ACSL6: variants seen among roughly 807,000 people sequenced by gnomAD.
The protein encoded by ACSL6 is long-chain-fatty-acid--CoA ligase 6.
A neutral mutation model predicts 98.2 loss-of-function variants in ACSL6; 47 were observed. That is an observed-to-expected ratio of 0.48 (90% CI 0.38 to 0.61). The LOEUF (loss-of-function observed/expected upper bound fraction) is 0.61. Among genes scored for constraint, ACSL6 ranks in the 20% least tolerant of loss-of-function variants. The pLI is 0.00. For synonymous variants in ACSL6, 362 were observed against 336.9 expected (o/e 1.07, Z -0.82); for missense variants, 761 against 913.4 (o/e 0.83, Z 2.15).
intron 13 of ACSL6, among the ~76,000 whole-genome samples, chr5:131,972,393 A>AG (rs1245383606): frequency 1.3e-5 from 2 of 152,128 alleles, no homozygotes; most frequent in Admixed American, 1.3e-4. Context: ...GATTACAGGG[A>AG]GGGGCAAGAG....
chr5:131,988,460 T>A, intron 6 of ACSL6: 1 of 1,506,046 alleles, frequency 6.6e-7, no homozygotes, highest in Non-Finnish European at 9.1e-7. Flanking sequence ...AGCTCCCCTT[T>A]GTTCCAGGCT....
intron 17 of ACSL6, among the ~76,000 whole-genome samples, chr5:131,965,950 G>A (rs1266772179): frequency 1.3e-5 from 2 of 152,140 alleles, no homozygotes; most frequent in Non-Finnish European, 2.9e-5. Context: ...AAGGTTACAT[G>A]AGCAACTGCT....
chr5:131,957,664 G>A (rs962301203), intron 20 of ACSL6, among the ~76,000 whole-genome samples: 2 of 150,828 alleles, frequency 1.3e-5, no homozygotes, highest in African/African-American at 5.0e-5. Context: ...GTGTATGTGT[G>A]TGTTTAATTA....
At position 131,993,796 on chromosome 5, in the gene ACSL6, C is replaced by T. The variant is rs1390867655; in HGVS notation, c.270+235G>A. The T allele has an allele frequency of 7.5e-6, 4 of 535,992 alleles. No individual in the cohort carries two copies. The African/African-American group carries it at 7.6e-5, about 10-fold the overall frequency. The allele number at this position is 535,992 out of a possible 1,614,324, so 33.2% of individuals were successfully genotyped here. ...CCCGAGAAGCAGGCAAACTAGAGGC[C>T]CAGTGCAAGGCCCAGGTCAGGCTCT... On this transcript the variant is annotated intron_variant, in intron 2 of 20. Coordinates refer to ENST00000651883, the MANE Select transcript of ACSL6 (RefSeq NM_001009185.3).
At chr5:131,973,439 T>A (rs1481917566) in intron 11 of ACSL6, 39 bp from the exon 12 acceptor site, 2 of 1,603,352 alleles carry the variant, frequency 1.2e-6, no homozygotes, top group Admixed American at 1.7e-5. Flanking sequence ...TCCCTTAGGG[T>A]GGTCACTACT....
At chr5:131,996,675 G>A (rs551994267) in intron 1 of ACSL6, among the ~76,000 whole-genome samples, 6 of 152,264 alleles carry the variant, frequency 3.9e-5, no homozygotes, top group Admixed American at 6.5e-5. Context: ...TGTGGCATTC[G>A]GTGCAATGCT....
At chr5:131,975,848 T>C (rs1397030541) in intron 10 of ACSL6, 14 of 985,362 alleles carry the variant, frequency 1.4e-5, no homozygotes, top group Non-Finnish European at 1.7e-5. Flanking sequence ...GTGCTGGCTT[T>C]TGGGCCAGCT....
At chr5:131,988,604 T>C (rs768650305) in intron 6 of ACSL6, 16 of 1,612,868 alleles carry the variant, frequency 9.9e-6, no homozygotes, top group Non-Finnish European at 1.3e-5. Context: ...CTGAGCCCTG[T>C]GGAAGGAACC....
intron 1 of ACSL6, among the ~76,000 whole-genome samples, chr5:132,008,645 C>T (rs942432696): frequency 2.6e-5 from 4 of 152,358 alleles, no homozygotes; most frequent in Non-Finnish European, 1.5e-5. Flanking sequence ...CCACAACCCA[C>T]ATTGCTCAGG....
At chr5:131,995,542 T>C (rs776646267) in intron 1 of ACSL6, among the ~76,000 whole-genome samples, 2 of 152,142 alleles carry the variant, frequency 1.3e-5, no homozygotes, top group Non-Finnish European at 2.9e-5. Context: ...GAAGCATGGC[T>C]GTGCTTCCAA....
chr5:131,963,457 C>A (rs768548710), intron 17 of ACSL6, among the ~76,000 whole-genome samples: 21 of 152,246 alleles, frequency 1.4e-4, no homozygotes, highest in Non-Finnish European at 2.2e-4. Context: ...CAGCTCTTCA[C>A]TGAGCTCCAG....
Position 131,994,012 on chromosome 5 carries a change from C to G in ACSL6, c.270+19G>C. 1 of 1,608,800 alleles carries G rather than the reference C, an allele frequency of 6.2e-7. No individual in the cohort carries two copies. The stretch of plus-strand genomic sequence containing the variant: ...CTGCCCCCTACTTTCCGCAGTGGAA[C>G]GTCTCCTATCCTGCTCACCTCTACT... On this transcript the variant is annotated intron_variant, in intron 2 of 20. Coordinates refer to ENST00000651883, the MANE Select transcript of ACSL6 (RefSeq NM_001009185.3).
chr5:131,991,108 G>C, intron 2 of ACSL6, 141 bp from the exon 3 acceptor site: 2 of 679,882 alleles, frequency 2.9e-6, no homozygotes, highest in South Asian at 3.5e-5. Flanking sequence ...GTGTGCCCGC[G>C]TACACATGGA....
chr5:132,011,243 G>T lies in ACSL6; in HGVS notation c.49+262C>A, dbSNP rs1313241123. Among the ~76,000 whole-genome samples, 1 of 152,138 alleles carries T rather than the reference G, an allele frequency of 6.6e-6. No individual in the cohort carries two copies. The highest frequency in any genetic ancestry group is 1.5e-5 in the Non-Finnish European group (1 of 68,008). ...TCAGGGAAGGGGGACGCAAGAACTCGGCGGGGGTTTGTGGTGGGGTCGCAG... is the reference window on the plus strand; with the variant it reads ...TCAGGGAAGGGGGACGCAAGAACTCTGCGGGGGTTTGTGGTGGGGTCGCAG... On this transcript the variant is annotated intron_variant, in intron 1 of 20. Coordinates refer to ENST00000651883, the MANE Select transcript of ACSL6 (RefSeq NM_001009185.3). The surrounding 1 kb of genome is among the most constrained non-coding windows in gnomAD (Gnocchi z 5.4).
In ACSL6 at chr5:131,967,875, A is replaced by T. The variant is rs1467495328; in HGVS notation, c.1596+65T>A. ...GCAAAAGGAAAATCATTCCATCCCT[A>T]CTGTTCTTGTTTTTACTCACTACAT... On this transcript the variant is annotated intron_variant, in intron 16 of 20. Transcript: ENST00000651883. The T allele has an allele frequency of 3.6e-6, 5 of 1,399,976 alleles. No homozygotes were observed. The East Asian group carries it at 1.1e-4, about 32-fold the overall frequency. The allele number at this position is 1,399,976 out of a possible 1,614,324, so 86.7% of individuals were successfully genotyped here.
In ACSL6 at chr5:131,950,153, C is replaced by A. The variant is rs1752088520; in HGVS notation, c.*4081G>T. The A allele has an allele frequency of 5.2e-6, 1 of 191,792 alleles. No homozygotes were observed. Among genetic ancestry groups the A allele is most frequent in the Non-Finnish European group, 1.1e-5 (1 of 91,796 alleles). The allele number at this position is 191,792 out of a possible 1,614,324, so 11.9% of individuals were successfully genotyped here. Reference sequence around the variant, plus strand: ...TTTTAAAAATTGAAAGTGGAATAAGCAATTCTTCAAAAAATATCCATTCTC... The same window carrying A: ...TTTTAAAAATTGAAAGTGGAATAAGAAATTCTTCAAAAAATATCCATTCTC... On this transcript the variant is annotated 3_prime_UTR_variant, in exon 21 of 21. Coordinates refer to ENST00000651883, the MANE Select transcript of ACSL6 (RefSeq NM_001009185.3).
At chr5:131,997,238 C>G (rs540287978) in intron 1 of ACSL6, among the ~76,000 whole-genome samples, 25 of 152,272 alleles carry the variant, frequency 1.6e-4, no homozygotes, top group African/African-American at 5.1e-4. Flanking sequence ...ACTGTTTGAC[C>G]CTCACAACAG....
At chr5:131,979,199 TG>T (rs1753775507) in intron 9 of ACSL6, among the ~76,000 whole-genome samples, 1 of 152,170 alleles carries the variant, frequency 6.6e-6, no homozygotes, top group Non-Finnish European at 1.5e-5. Context: ...ACAGAGTACC[TG>T]GGCCCACAGA....
At chr5:131,991,160 C>T (rs1320505145) in intron 2 of ACSL6, among the ~76,000 whole-genome samples, 193 bp from the exon 3 acceptor site, 1 of 152,200 alleles carries the variant, frequency 6.6e-6, no homozygotes, top group East Asian at 1.9e-4. Context: ...TGCATGTAGC[C>T]ACACTCCGAC....
Sources: allele counts gnomAD v4.1 joint callset (sites outside exome capture counted in the v4.1 genomes callset), GRCh38; gene constraint gnomAD v4.1.1; non-coding constraint Gnocchi (gnomAD v3.1); transcripts MANE v1.5; gene names NCBI Gene and HGNC (gene_info 2026-07-23, HGNC 2026-07-21).